The following ABCC1 variants were observed in gnomAD, a reference collection of about 807,000 sequenced individuals.
The protein encoded by ABCC1 is multidrug resistance-associated protein 1.
A neutral mutation model predicts 172.9 loss-of-function variants in ABCC1; 83 were observed. That is an observed-to-expected ratio of 0.48 (90% confidence interval 0.40 to 0.58). ABCC1 has a LOEUF of 0.58. ABCC1 is among the 20% of genes least tolerant of loss of function. The pLI, the probability that ABCC1 is intolerant of heterozygous loss-of-function variation, is 0.00. For missense variants in ABCC1, 1,817 were observed against 2,002.7 expected (o/e 0.91, Z 1.77); for synonymous variants, 937 against 825.2 (o/e 1.14, Z -2.32).
At chr16:16,044,394 G>T (rs2049111916) in intron 7 of ABCC1, 56 bp from the exon 8 acceptor site, 1 of 1,465,742 alleles carries the variant, frequency 6.8e-7, no homozygotes, top group Non-Finnish European at 9.5e-7. Flanking sequence ...TGTCCCTGTG[G>T]TAGGGGGCTG....
intron 1 of ABCC1, among the ~76,000 whole-genome samples, chr16:15,978,616 C>T (rs1336557492): frequency 6.6e-6 from 1 of 152,044 alleles, no homozygotes; most frequent in Non-Finnish European, 1.5e-5. Context: ...GTGGTTGTTT[C>T]TGGTTCAAGT....
At chr16:15,974,631 T>C (rs756722154) in intron 1 of ABCC1, among the ~76,000 whole-genome samples, 1 of 152,198 alleles carries the variant, frequency 6.6e-6, no homozygotes, top group Non-Finnish European at 1.5e-5. Context: ...ATTTATGACA[T>C]ACTTCCCAGT....
chr16:16,095,446 C>G (rs1052483483), intron 19 of ABCC1, among the ~76,000 whole-genome samples: 13 of 152,206 alleles, frequency 8.5e-5, no homozygotes, highest in Non-Finnish European at 1.5e-4. Context: ...GGGTTTGCCC[C>G]TGGCAGGCAA....
At chr16:15,979,026 C>T (rs965987138) in intron 1 of ABCC1, among the ~76,000 whole-genome samples, 5 of 152,064 alleles carry the variant, frequency 3.3e-5, no homozygotes, top group African/African-American at 1.2e-4. Flanking sequence ...GGCGTGGTGG[C>T]TCACACCCGT....
chr16:16,050,086 T>C (rs1435535648), intron 10 of ABCC1, among the ~76,000 whole-genome samples: 3 of 152,204 alleles, frequency 2.0e-5, no homozygotes, highest in East Asian at 1.9e-4. Flanking sequence ...TGCAGACATA[T>C]AGCAGCTGAC....
At chr16:16,108,771 A>T (rs2052258414) in intron 21 of ABCC1, among the ~76,000 whole-genome samples, 1 of 151,080 alleles carries the variant, frequency 6.6e-6, no homozygotes, top group Admixed American at 6.6e-5. Context: ...AATTTTTTTA[A>T]TTTTTTTGTG....
rs200511471 is a variant in ABCC1, at chr16:16,141,187, A to G, written c.4502A>G (p.Asp1501Gly). 25 of 1,613,818 alleles carry G rather than the reference A, an allele frequency of 1.5e-5. 1 individual carries two copies. The East Asian group carries it at 5.1e-4, about 33-fold the overall frequency. Residue 1501 changes from aspartate (D) to glycine (G), a missense_variant, in exon 31 of 31, where the codon GAC (aspartate) becomes GGC (glycine). Physicochemically the swap from Asp to Gly is moderately conservative, Grantham distance 94 (BLOSUM62 -1). Around this residue, in one of 3 missense-constraint regions of ABCC1, gnomAD observed 1,412 missense variants for 1,600.3 expected, o/e 0.88. Coordinates refer to ENST00000399410, the MANE Select transcript of ABCC1 (RefSeq NM_004996.4). Reference protein sequence around the residue: ...IMDYTRVIVLDKGEIQEYGAP... With the variant: ...IMDYTRVIVLGKGEIQEYGAP... ...CTCTCCCTCAGGGTGATCGTCTTGG[A>G]CAAAGGAGAAATCCAGGAGTACGGC...
chr16:16,013,317 C>T (rs559350049), intron 3 of ABCC1, among the ~76,000 whole-genome samples: 1 of 150,868 alleles, frequency 6.6e-6, no homozygotes, highest in East Asian at 2.0e-4. Flanking sequence ...GTCGCCCAGG[C>T]TGGAATGCAG....
chr16:16,079,279 C>T, intron 15 of ABCC1, 73 bp from the exon 16 acceptor site: 2 of 1,581,440 alleles, frequency 1.3e-6, no homozygotes, highest in Non-Finnish European at 1.7e-6. Context: ...TAAATTGAGG[C>T]TCGGTGGCCA....
intron 10 of ABCC1, among the ~76,000 whole-genome samples, chr16:16,050,821 T>G (rs1247510122): frequency 6.6e-6 from 1 of 151,516 alleles, no homozygotes; most frequent in Non-Finnish European, 1.5e-5. Flanking sequence ...GAGGATTGCT[T>G]GAGCCTAGGA....
chr16:16,082,045 C>G (rs180932462), intron 16 of ABCC1, among the ~76,000 whole-genome samples: 3 of 152,128 alleles, frequency 2.0e-5, no homozygotes, highest in Admixed American at 1.3e-4. Context: ...CTCCCCTTGC[C>G]CCTCTGATAA....
At chr16:15,994,876 G>A (rs1389724890) in intron 1 of ABCC1, among the ~76,000 whole-genome samples, 11 of 151,224 alleles carry the variant, frequency 7.3e-5, no homozygotes, top group Admixed American at 5.3e-4. Flanking sequence ...CAATTCTCCT[G>A]CCTCAGCCTC....
At chr16:16,124,736 T>TC in intron 24 of ABCC1, 53 bp from the exon 25 acceptor site, 1 of 1,612,132 alleles carries the variant, frequency 6.2e-7, no homozygotes, top group East Asian at 2.2e-5. Flanking sequence ...GTAAGCCAAG[T>TC]CTCTGTAGAG....
intron 1 of ABCC1, among the ~76,000 whole-genome samples, chr16:15,995,977 G>GTTTTT (rs565769136): frequency 4.5e-4 from 44 of 98,594 alleles, no homozygotes; most frequent in African/African-American, 5.2e-4. Context: ...GCCCAGCTAA[G>GTTTTT]TTTTTTTTTT....
intron 26 of ABCC1, among the ~76,000 whole-genome samples, chr16:16,128,280 C>T (rs1166709441): frequency 2.6e-5 from 4 of 151,950 alleles, no homozygotes; most frequent in South Asian, 2.1e-4. Flanking sequence ...TGGGTTCAAG[C>T]GATTCCCAGC....
chr16:16,006,517 G>A (rs1441425610), intron 1 of ABCC1, among the ~76,000 whole-genome samples: 1 of 151,132 alleles, frequency 6.6e-6, no homozygotes, highest in Admixed American at 6.6e-5. Flanking sequence ...ATTTATGTAT[G>A]TATCTATGAA....
At chr16:16,134,932 G>A (rs561947420) in intron 28 of ABCC1, among the ~76,000 whole-genome samples, 5 of 152,260 alleles carry the variant, frequency 3.3e-5, no homozygotes, top group Middle Eastern at 3.4e-3. Flanking sequence ...ATGAGGCACC[G>A]TGGCTGGCCT....
intron 26 of ABCC1, among the ~76,000 whole-genome samples, chr16:16,129,790 G>A (rs890542431): frequency 4.5e-4 from 68 of 152,018 alleles, no homozygotes; most frequent in African/African-American, 1.3e-3. Context: ...TGCCCACCTC[G>A]GCCTCCCTAA....
At chr16:16,134,249 A>G in intron 27 of ABCC1, 101 bp from the exon 28 acceptor site, 4 of 1,470,386 alleles carry the variant, frequency 2.7e-6, no homozygotes, top group African/African-American at 1.4e-5. Context: ...GGTTGACCAG[A>G]TGACTGATGC....
Sources: allele counts gnomAD v4.1 joint callset (sites outside exome capture counted in the v4.1 genomes callset), GRCh38; gene constraint gnomAD v4.1.1; regional missense constraint gnomAD v4.1.1; transcripts MANE v1.5; gene names NCBI Gene and HGNC (gene_info 2026-07-23, HGNC 2026-07-21).